CNTRL: variants seen among roughly 807,000 people sequenced by gnomAD.
CNTRL encodes centriolin.
A neutral mutation model predicts 303.7 loss-of-function variants in CNTRL; 233 were observed. That is an observed-to-expected ratio of 0.77 (90% CI 0.69 to 0.86). The LOEUF (loss-of-function observed/expected upper bound fraction) is 0.86, where lower values mean the gene tolerates loss of function less well. Among genes scored for constraint, CNTRL ranks in the 40% least tolerant of loss-of-function variants. The probability of loss-of-function intolerance (pLI) is 0.00; values close to 1 mark genes in which losing one functional copy is unlikely to be tolerated. For missense variants in CNTRL, 2,524 were observed against 2,650.6 expected (o/e 0.95, Z 1.05); for synonymous variants, 900 against 922.2 (o/e 0.98, Z 0.44).
intron 35 of CNTRL, among the ~76,000 whole-genome samples, chr9:121,165,609 T>A (rs903139608): frequency 6.6e-6 from 1 of 152,226 alleles, no homozygotes; most frequent in African/African-American, 2.4e-5. Flanking sequence ...CCTTGGTATT[T>A]CATTTTCTCA....
At chr9:121,122,034 CTT>C in intron 12 of CNTRL, 5 of 480,464 alleles carry the variant, frequency 1.0e-5, no homozygotes, top group Middle Eastern at 1.0e-3. Context: ...TACAATAACT[CTT>C]TTGTGAGCTC....
rs1190163316 is a variant in CNTRL, at chr9:121,115,190, A to G, written c.1445A>G (p.Gln482Arg). 1.3e-6 allele frequency: 2 copies of G among 1,576,176 alleles called. No homozygotes were observed. The highest frequency in any genetic ancestry group is 1.7e-6 in the Non-Finnish European group (2 of 1,151,758). Residue 482 changes from glutamine (Q) to arginine (R), a missense_variant, in exon 11 of 44, where the codon CAA (glutamine) becomes CGA (arginine). Physicochemically the swap from Gln to Arg is conservative, Grantham distance 43 (BLOSUM62 1). Coordinates refer to ENST00000373855, the MANE Select transcript of CNTRL (RefSeq NM_007018.6). ...TTTAAACAACTGGAAGAAGCTATAC[A>G]ACTAAAAAAGGTATGTAAAAGCAAA... ...EEFKQLEEAIQLKKISEAGKD... is the reference protein window; with the variant it reads ...EEFKQLEEAIRLKKISEAGKD...
intron 2 of CNTRL, among the ~76,000 whole-genome samples, chr9:121,086,062 C>T (rs540296396): frequency 1.1e-4 from 16 of 152,242 alleles, no homozygotes; most frequent in Admixed American, 9.2e-4. Flanking sequence ...GAATCTAGGG[C>T]AGTAGCTGTG....
Position 121,158,125 on chromosome 9 carries a change from C to T in CNTRL, c.4764+16C>T, listed in dbSNP as rs1314531929. 1.2e-6 allele frequency: 2 copies of T among 1,609,640 alleles called. No individual in the cohort carries two copies. Among genetic ancestry groups the T allele is most frequent in the Non-Finnish European group, 1.7e-6 (2 of 1,178,862 alleles). On this transcript the variant is annotated intron_variant, in intron 30 of 43. Transcript: ENST00000373855. Reference sequence around the variant, plus strand: ...GAAAAGCCAGGTATGGCAATAGACACCTTGAAAAAACAACTGACACAGCAC... The same window carrying T: ...GAAAAGCCAGGTATGGCAATAGACATCTTGAAAAAACAACTGACACAGCAC...
At chr9:121,127,428 A>G (rs1195696880) in intron 14 of CNTRL, among the ~76,000 whole-genome samples, 1 of 151,902 alleles carries the variant, frequency 6.6e-6, no homozygotes, top group Non-Finnish European at 1.5e-5. Flanking sequence ...ATCAGCTTCT[A>G]CTCCCACCAG....
At chr9:121,121,398 C>T (rs1396120632) in intron 12 of CNTRL, among the ~76,000 whole-genome samples, 1 of 152,168 alleles carries the variant, frequency 6.6e-6, no homozygotes, top group Non-Finnish European at 1.5e-5. Context: ...ACCCTCTCTT[C>T]ACAAAGCAAT....
intron 12 of CNTRL, chr9:121,122,062 C>T (rs1338290199): frequency 1.1e-5 from 4 of 360,632 alleles, no homozygotes; most frequent in Admixed American, 6.5e-5. Context: ...TGGTGTAAAT[C>T]GCAGAATCTA....
At chr9:121,119,503 C>T (rs955651218) in intron 12 of CNTRL, among the ~76,000 whole-genome samples, 1 of 151,748 alleles carries the variant, frequency 6.6e-6, no homozygotes, top group Non-Finnish European at 1.5e-5. Flanking sequence ...ACCATGTTGG[C>T]GAGGATGGTC....
chr9:121,096,971 T>G (rs1024383350), intron 6 of CNTRL, among the ~76,000 whole-genome samples: 3 of 151,722 alleles, frequency 2.0e-5, no homozygotes, highest in Non-Finnish European at 4.4e-5. Context: ...GTTCTGGGTT[T>G]TTTTTTTTTT....
chr9:121,131,708 A>G (rs1003472359), intron 14 of CNTRL, among the ~76,000 whole-genome samples: 3 of 152,154 alleles, frequency 2.0e-5, no homozygotes, highest in Non-Finnish European at 4.4e-5. Flanking sequence ...CCGTTAGTTG[A>G]TGCAGTTTCT....
At chr9:121,106,732 T>C (rs923347585) in intron 7 of CNTRL, among the ~76,000 whole-genome samples, 1 of 152,208 alleles carries the variant, frequency 6.6e-6, no homozygotes. Context: ...AAAATGGCAA[T>C]TTCATATGGT....
chr9:121,092,818 T>TA (rs1491415609), intron 4 of CNTRL, among the ~76,000 whole-genome samples: 15 of 242 alleles, frequency 0.062, 2 homozygotes, highest in Admixed American at 0.25. Context: ...TATATATATA[T>TA]TTTTTTTTTT....
chr9:121,155,296 ATTC>A (rs1165836254), intron 27 of CNTRL, among the ~76,000 whole-genome samples: 1 of 152,142 alleles, frequency 6.6e-6, no homozygotes, highest in African/African-American at 2.4e-5. Flanking sequence ...CAATCTTTAT[ATTC>A]TTATTAAGCT....
rs759218652 is a variant in CNTRL at position 121,177,165 on chromosome 9, AAAG to A, written c.6960_6962del (p.Lys2320del). 1.9e-5 allele frequency: 30 copies of A among 1,611,302 alleles called. No homozygotes were observed. The highest frequency in any genetic ancestry group is 2.4e-5 in the Non-Finnish European group (28 of 1,178,124). ...TCCTTCCTTTTGTCTTACTGTAGGA[AAAG>A]AATGCCTCAGCCAGATGAGGAATAC... is the stretch of plus-strand genomic sequence containing the variant. On this transcript the variant is annotated inframe_deletion, in exon 44 of 44. Coordinates refer to ENST00000373855, the MANE Select transcript of CNTRL (RefSeq NM_007018.6).
chr9:121,167,752 A>G (rs2053152238), intron 37 of CNTRL, 75 bp downstream of exon 37: 5 of 1,334,216 alleles, frequency 3.7e-6, no homozygotes, highest in Non-Finnish European at 4.2e-6. Flanking sequence ...CCTGGCAGAA[A>G]GCTGCTGAGA....
Position 121,088,440 on chromosome 9 carries a change from G to A in CNTRL, c.114G>A (p.Leu38=). 6.2e-7 allele frequency: 1 copy of A among 1,612,306 alleles called. No individual in the cohort carries two copies. The highest frequency in any genetic ancestry group is 8.5e-7 in the Non-Finnish European group (1 of 1,178,384). The change falls in exon 3 of 44, where the codon TTG becomes TTA. Residue 38 remains leucine (L), a synonymous_variant. Coordinates refer to ENST00000373855, the MANE Select transcript of CNTRL (RefSeq NM_007018.6). ...TGAGATCTAGGTCACTTTCACCTTTGATTGGATCAGAGACTCTACCTTTTC... is the reference window on the plus strand; with the variant it reads ...TGAGATCTAGGTCACTTTCACCTTTAATTGGATCAGAGACTCTACCTTTTC... ...SNMRSRSLSP[L]IGSETLPFHS... is the part of the protein sequence containing the mutation.
At chr9:121,126,290 T>C (rs963739909) in intron 14 of CNTRL, among the ~76,000 whole-genome samples, 10 of 152,350 alleles carry the variant, frequency 6.6e-5, no homozygotes, top group Non-Finnish European at 1.0e-4. Context: ...ATGGTTTTTC[T>C]TAGTCTTGTT....
At position 121,167,970 on chromosome 9, in the gene CNTRL, G is replaced by GT. The variant is rs2053159859; in HGVS notation, c.5845-125dup. 7.2e-6 allele frequency: 6 copies of GT among 836,208 alleles called. No individual in the cohort carries two copies. The East Asian group carries it at 1.6e-4, about 22-fold the overall frequency. The allele number at this position is 836,208 out of a possible 1,614,324, so 51.8% of individuals were successfully genotyped here. A position where few individuals can be genotyped will look rare whatever the true frequency, so the allele number is the denominator to read the frequency against. On this transcript the variant is annotated intron_variant, in intron 37 of 43. Coordinates refer to ENST00000373855, the MANE Select transcript of CNTRL (RefSeq NM_007018.6). ...TTCCCAAGCCCTCTTGATCACCTCT[G>GT]TAATGGAATTGTCCCTGTGGGCTGT...
intron 1 of CNTRL, among the ~76,000 whole-genome samples, chr9:121,076,980 G>A (rs1268499335): frequency 2.6e-5 from 4 of 152,064 alleles, no homozygotes; most frequent in East Asian, 1.9e-4. Context: ...GGAGGTCTGC[G>A]TTATTTGGAG....
Sources: gnomAD v4.1 joint callset for allele counts (sites outside exome capture counted in the v4.1 genomes callset) on GRCh38, gnomAD v4.1.1 for gene constraint, MANE v1.5 for transcripts, NCBI Gene and HGNC (gene_info 2026-07-23, HGNC 2026-07-21) for gene names.